The following ARHGAP8 variants were observed in gnomAD, a reference collection of about 807,000 sequenced individuals.
ARHGAP8 encodes rho GTPase-activating protein 8.
Under a neutral mutation model 46.1 loss-of-function variants are expected in ARHGAP8, and 62 were observed. That is an observed-to-expected ratio of 1.34 (90% CI 1.10 to 1.66). The LOEUF is 1.66. Among genes scored for constraint, ARHGAP8 ranks in the 40% most tolerant of loss-of-function variants. The pLI, the probability that ARHGAP8 is intolerant of heterozygous loss-of-function variation, is 0.00. For synonymous variants in ARHGAP8, 375 were observed against 243.1 expected (o/e 1.54, Z -5.05); for missense variants, 923 against 568.4 (o/e 1.62, Z -6.34).
intron 1 of ARHGAP8, among the ~76,000 whole-genome samples, chr22:44,785,761 C>A (rs187906973): frequency 6.6e-5 from 10 of 152,270 alleles, no homozygotes; most frequent in Middle Eastern, 6.8e-3. Context: ...TGCATGAGAA[C>A]CTCCCCTGCT....
intron 1 of ARHGAP8, among the ~76,000 whole-genome samples, chr22:44,783,723 T>C (rs1391553306): frequency 1.3e-5 from 2 of 152,204 alleles, no homozygotes; most frequent in East Asian, 1.9e-4. Context: ...CTTCCCGACC[T>C]GTCCGAAAGG....
chr22:44,818,450 C>CAA (rs749292883), intron 5 of ARHGAP8, among the ~76,000 whole-genome samples: 4 of 125,436 alleles, frequency 3.2e-5, no homozygotes, highest in African/African-American at 1.4e-4. Flanking sequence ...ACTCCAGTCT[C>CAA]AAAAAAAAAA....
intron 1 of ARHGAP8, among the ~76,000 whole-genome samples, chr22:44,768,503 T>C (rs1925764972): frequency 6.6e-6 from 1 of 151,268 alleles, no homozygotes; most frequent in Admixed American, 6.6e-5. Context: ...ACAGGGGTCT[T>C]GCTTCATTAC....
At chr22:44,771,330 T>C (rs1348872611) in intron 1 of ARHGAP8, among the ~76,000 whole-genome samples, 1 of 137,230 alleles carries the variant, frequency 7.3e-6, no homozygotes, top group Non-Finnish European at 1.5e-5. Context: ...CACTGCAACC[T>C]CTGGCTCCCT....
intron 4 of ARHGAP8, among the ~76,000 whole-genome samples, chr22:44,810,804 C>A (rs1222910245): frequency 3.3e-5 from 5 of 151,950 alleles, no homozygotes; most frequent in Admixed American, 3.3e-4. Flanking sequence ...CCGTGGGGAG[C>A]CGTGGAGGGA....
intron 4 of ARHGAP8, chr22:44,809,175 T>C (rs1929163573): frequency 2.1e-6 from 1 of 471,004 alleles, no homozygotes; most frequent in Non-Finnish European, 4.4e-6. Context: ...TGCAGGCCTG[T>C]TGCTCTATTG....
Position 44,825,525 on chromosome 22 carries a change from G to A in ARHGAP8, c.528G>A (p.Pro176=), listed in dbSNP as rs771172363. Residue 176 remains proline, a synonymous_variant, in exon 7 of 12, where the codon CCG becomes CCA. Coordinates refer to ENST00000356099, the MANE Select transcript of ARHGAP8 (RefSeq NM_181335.3). The stretch of plus-strand genomic sequence containing the variant: ...AGAGCCTGCACGAGGGCCGGACGCC[G>A]CCTCCCACCAAGACACCACCGCCGC... ...KLQSLHEGRT[P]PPTKTPPPRP... is the part of the protein sequence containing the mutation. The A allele has an allele frequency of 1.9e-5, 31 of 1,613,150 alleles. No homozygotes were observed. The highest frequency in any genetic ancestry group is 4.5e-5 in the East Asian group (2 of 44,826).
intron 10 of ARHGAP8, among the ~76,000 whole-genome samples, chr22:44,858,433 T>C (rs1292026216): frequency 6.8e-6 from 1 of 147,642 alleles, no homozygotes; most frequent in Non-Finnish European, 1.5e-5. Context: ...AATGGCACCA[T>C]CTCGGCTCAG....
intron 1 of ARHGAP8, among the ~76,000 whole-genome samples, chr22:44,764,006 G>T (rs1156413476): frequency 6.6e-6 from 1 of 151,910 alleles, no homozygotes; most frequent in Non-Finnish European, 1.5e-5. Context: ...TAGAGACGGG[G>T]TTTCACCGTG....
chr22:44,845,466 G>C, intron 8 of ARHGAP8, 124 bp downstream of exon 8: 2 of 1,315,102 alleles, frequency 1.5e-6, no homozygotes, highest in Non-Finnish European at 2.1e-6. Context: ...AGGGGCTCAA[G>C]CACAGTGGCT....
chr22:44,843,793 C>A (rs1931800832), intron 7 of ARHGAP8, among the ~76,000 whole-genome samples: 1 of 146,188 alleles, frequency 6.8e-6, no homozygotes, highest in South Asian at 2.2e-4. Context: ...CCGCTGTACT[C>A]CAACCTGGGC....
chr22:44,820,100 C>T (rs1333905934), intron 5 of ARHGAP8, among the ~76,000 whole-genome samples: 1 of 152,270 alleles, frequency 6.6e-6, no homozygotes, highest in Non-Finnish European at 1.5e-5. Context: ...GCCAGACCTC[C>T]TGACTCAGAT....
In ARHGAP8 at chr22:44,795,638, G is replaced by T. The variant is rs149491989; in HGVS notation, c.80-6439G>T. On this transcript the variant is annotated intron_variant, in intron 2 of 11. Coordinates refer to ENST00000356099, the MANE Select transcript of ARHGAP8 (RefSeq NM_181335.3). ...CCAGACGAGGGCGGGAGGCAGAGGG[G>T]AGCCCCCTGGTTTGGGATGAGCCTG... is the stretch of plus-strand genomic sequence containing the variant. 6.5e-3 allele frequency among the ~76,000 whole-genome samples: 988 copies of T among 152,242 alleles called. 6 individuals carry two copies. The highest frequency in any genetic ancestry group is 9.9e-3 in the Non-Finnish European group (675 of 68,018).
intron 7 of ARHGAP8, among the ~76,000 whole-genome samples, chr22:44,836,446 C>G (rs1319825749): frequency 4.0e-5 from 6 of 151,860 alleles, no homozygotes; most frequent in East Asian, 1.9e-4. Flanking sequence ...GGCTGTGTGA[C>G]TCCAGACATA....
chr22:44,802,588 C>T (rs1039976039), intron 3 of ARHGAP8, among the ~76,000 whole-genome samples: 1 of 152,154 alleles, frequency 6.6e-6, no homozygotes, highest in South Asian at 2.1e-4. Flanking sequence ...CTGTAGTGGC[C>T]ATAACAAATG....
chr22:44,816,875 TC>T (rs2147107186), intron 5 of ARHGAP8, among the ~76,000 whole-genome samples: 1 of 147,006 alleles, frequency 6.8e-6, no homozygotes, highest in East Asian at 2.0e-4. Context: ...CTTTTTTCTT[TC>T]TTTCTTTCTT....
intron 1 of ARHGAP8, among the ~76,000 whole-genome samples, chr22:44,763,995 G>A (rs368939870): frequency 3.3e-5 from 5 of 151,880 alleles, no homozygotes; most frequent in Non-Finnish European, 7.4e-5. Context: ...TGTATTTTTA[G>A]TAGAGACGGG....
At chr22:44,803,832 C>T (rs567248071) in intron 3 of ARHGAP8, among the ~76,000 whole-genome samples, 2 of 148,800 alleles carry the variant, frequency 1.3e-5, no homozygotes, top group South Asian at 4.5e-4. Flanking sequence ...CATACACACA[C>T]ACCTCTTGTG....
At chr22:44,753,935 C>G (rs1232382021) in intron 1 of ARHGAP8, among the ~76,000 whole-genome samples, 4 of 152,230 alleles carry the variant, frequency 2.6e-5, no homozygotes, top group African/African-American at 4.8e-5. Context: ...TGGTTGGCCT[C>G]TCTGTTGGCA....
Sources: gnomAD v4.1 joint callset for allele counts (sites outside exome capture counted in the v4.1 genomes callset) on GRCh38, gnomAD v4.1.1 for gene constraint, MANE v1.5 for transcripts, NCBI Gene and HGNC (gene_info 2026-07-23, HGNC 2026-07-21) for gene names.